Variants in STAU2 observed in about 807,000 individuals in gnomAD.
STAU2 encodes staufen double-stranded RNA binding protein 2, also known as double-stranded RNA-binding protein Staufen homolog 2.
Under a neutral mutation model 65.9 loss-of-function variants are expected in STAU2, and 20 were observed. The ratio of observed to expected loss-of-function variants is 0.30; its 90% CI spans 0.21 to 0.44. The LOEUF (loss-of-function observed/expected upper bound fraction) is 0.44. STAU2 is among the 20% of genes least tolerant of loss of function. The pLI, the probability that STAU2 is intolerant of heterozygous loss-of-function variation, is 1.00. For missense variants in STAU2, 558 were observed against 683.9 expected (o/e 0.82, Z 2.05); for synonymous variants, 232 against 233.9 (o/e 0.99, Z 0.07).
intron 9 of STAU2, among the ~76,000 whole-genome samples, chr8:73,609,915 T>C (rs1313633177): frequency 6.6e-6 from 1 of 152,170 alleles, no homozygotes; most frequent in African/African-American, 2.4e-5. Context: ...TTATTGTTGA[T>C]ATAGATTGCA....
At chr8:73,654,919 T>G (rs1816232331) in intron 6 of STAU2, among the ~76,000 whole-genome samples, 1 of 152,074 alleles carries the variant, frequency 6.6e-6, no homozygotes, top group Admixed American at 6.5e-5. Flanking sequence ...TCTCCTGACC[T>G]CGTGATCTGC....
intron 6 of STAU2, chr8:73,651,270 C>T (rs1273316196): frequency 4.6e-5 from 31 of 667,152 alleles, no homozygotes; most frequent in Non-Finnish European, 6.7e-5. Flanking sequence ...AAGGGCCAAA[C>T]GCCTGGCGGG....
At chr8:73,446,467 C>T (rs1818471733) in intron 13 of STAU2, among the ~76,000 whole-genome samples, 1 of 152,186 alleles carries the variant, frequency 6.6e-6, no homozygotes, top group Non-Finnish European at 1.5e-5. Context: ...TACTGTCCTA[C>T]AGGTCAGTGA....
intron 4 of STAU2, among the ~76,000 whole-genome samples, chr8:73,689,610 G>A (rs1008822240): frequency 1.3e-5 from 2 of 152,020 alleles, no homozygotes; most frequent in Admixed American, 1.3e-4. Flanking sequence ...ATTTCCATAT[G>A]AGCCCCCAAA....
chr8:73,486,702 G>A (rs1820934069), intron 13 of STAU2, among the ~76,000 whole-genome samples: 1 of 149,276 alleles, frequency 6.7e-6, no homozygotes, highest in Non-Finnish European at 1.5e-5. Context: ...TACCCAGACT[G>A]GAGTGTAGTG....
intron 13 of STAU2, among the ~76,000 whole-genome samples, chr8:73,549,094 T>A (rs1235740833): frequency 6.6e-6 from 1 of 152,144 alleles, no homozygotes; most frequent in African/African-American, 2.4e-5. Context: ...TTGAAACATT[T>A]TGCCATTATA....
At position 73,723,862 on chromosome 8, in the gene STAU2, C is replaced by T. The variant is rs992199951; in HGVS notation, c.-18+14422G>A. On this transcript the variant is annotated intron_variant, in intron 3 of 14. Transcript: ENST00000524300. Reference sequence around the variant, plus strand: ...TCATAATTATGGGTCATATTTCATGCTTCTTTGCATACATGGTAATCTTTA... The same window carrying T: ...TCATAATTATGGGTCATATTTCATGTTTCTTTGCATACATGGTAATCTTTA... 2.0e-5 allele frequency among the ~76,000 whole-genome samples: 3 copies of T among 152,202 alleles called. No homozygotes were observed. The South Asian group carries it at 6.2e-4, about 32-fold the overall frequency.
At chr8:73,684,091 A>G (rs969038854) in intron 5 of STAU2, among the ~76,000 whole-genome samples, 5 of 152,170 alleles carry the variant, frequency 3.3e-5, no homozygotes, top group African/African-American at 4.8e-5. Context: ...CATTTTTCAC[A>G]CTACTAGAAA....
At chr8:73,548,667 T>C (rs1807103990) in intron 13 of STAU2, among the ~76,000 whole-genome samples, 2 of 152,164 alleles carry the variant, frequency 1.3e-5, no homozygotes, top group Non-Finnish European at 2.9e-5. Context: ...GACAATAAAC[T>C]AATTATAGTT....
intron 13 of STAU2, among the ~76,000 whole-genome samples, chr8:73,477,511 T>A (rs1202998557): frequency 6.6e-6 from 1 of 152,232 alleles, no homozygotes; most frequent in Non-Finnish European, 1.5e-5. Flanking sequence ...AGGTCACTTC[T>A]TTGAAAGCAT....
At chr8:73,714,828 T>C (rs1821128911) in intron 3 of STAU2, among the ~76,000 whole-genome samples, 1 of 152,196 alleles carries the variant, frequency 6.6e-6, no homozygotes, top group Non-Finnish European at 1.5e-5. Context: ...ACGTCTGGAA[T>C]CCCAGCACTT....
chr8:73,708,832 A>G (rs1443598520), intron 4 of STAU2, among the ~76,000 whole-genome samples, 200 bp downstream of exon 4: 7 of 152,188 alleles, frequency 4.6e-5, no homozygotes, highest in Admixed American at 3.3e-4. Context: ...ATGAAGTACT[A>G]TATCTAAAAG....
At chr8:73,478,494 T>C (rs201800648) in intron 13 of STAU2, among the ~76,000 whole-genome samples, 3 of 147,514 alleles carry the variant, frequency 2.0e-5, no homozygotes, top group South Asian at 2.2e-4. Context: ...GTTTTTTTTT[T>C]CCCCTCCACT....
chr8:73,490,857 G>A (rs4737385), intron 13 of STAU2, among the ~76,000 whole-genome samples: 4,626 of 146,786 alleles, frequency 0.032, 229 homozygotes, highest in Admixed American at 0.14. Context: ...AGATTTAAAC[G>A]TACCTTAAAC....
intron 13 of STAU2, chr8:73,527,896 A>ATAATTT (rs1805549020): frequency 4.4e-6 from 3 of 685,652 alleles, no homozygotes; most frequent in Admixed American, 2.6e-5. Flanking sequence ...GATTTCACAG[A>ATAATTT]ACACACTTTA....
At chr8:73,549,695 C>A in intron 13 of STAU2, 1 of 985,314 alleles carries the variant, frequency 1.0e-6, no homozygotes, top group Non-Finnish European at 1.2e-6. Context: ...TTGCAATGGG[C>A]AAGGAAAGCC....
intron 13 of STAU2, among the ~76,000 whole-genome samples, chr8:73,444,639 T>C (rs1039212040): frequency 6.6e-6 from 1 of 152,146 alleles, no homozygotes; most frequent in Non-Finnish European, 1.5e-5. Context: ...TGTAAGTTCC[T>C]AGAACAGGAT....
intron 13 of STAU2, among the ~76,000 whole-genome samples, chr8:73,499,575 T>A (rs1166275853): frequency 6.6e-6 from 1 of 151,864 alleles, no homozygotes; most frequent in African/African-American, 2.4e-5. Context: ...CAAGGGTGAC[T>A]GTGGCCAGGT....
At chr8:73,485,945 G>C (rs557051896) in intron 13 of STAU2, among the ~76,000 whole-genome samples, 4 of 152,094 alleles carry the variant, frequency 2.6e-5, no homozygotes, top group Non-Finnish European at 5.9e-5. Context: ...AGGAAAATTA[G>C]GTAATTTGGC....
Sources: gnomAD v4.1 joint callset for allele counts (sites outside exome capture counted in the v4.1 genomes callset) on GRCh38, gnomAD v4.1.1 for gene constraint, MANE v1.5 for transcripts, NCBI Gene and HGNC (gene_info 2026-07-23, HGNC 2026-07-21) for gene names.